Variants in JADE3 observed in about 807,000 individuals in gnomAD.
JADE3 encodes the protein jade family PHD finger 3.
Under a neutral mutation model 50.1 loss-of-function variants are expected in JADE3, and 2 were observed. That is an observed-to-expected ratio of 0.04 (90% CI 0.02 to 0.13). JADE3 has a LOEUF of 0.13. JADE3 is among the 10% of genes least tolerant of loss of function. The pLI is 1.00. For missense variants in JADE3, 475 were observed against 634.4 expected (o/e 0.75, Z 2.70); for synonymous variants, 218 against 232.9 (o/e 0.94, Z 0.58).
At chrX:46,945,860 C>G (rs1926875659) in intron 1 of JADE3, among the ~76,000 whole-genome samples, 1 of 111,614 alleles carries the variant, frequency 9.0e-6, no homozygotes, top group African/African-American at 3.3e-5. Flanking sequence ...GATTCCTGTT[C>G]CCTCAATAAT....
At chrX:47,010,409 G>A (rs1385975503) in intron 4 of JADE3, among the ~76,000 whole-genome samples, 3 of 110,683 alleles carry the variant, frequency 2.7e-5, no homozygotes, top group Non-Finnish European at 5.7e-5. Context: ...TGTAGTTTTA[G>A]TAGAGACAGG....
chrX:47,026,802 T>C (rs1300351377), intron 5 of JADE3, among the ~76,000 whole-genome samples: 1 of 111,829 alleles, frequency 8.9e-6, no homozygotes, highest in African/African-American at 3.2e-5. Context: ...ATTATACTAA[T>C]TTCATAGATA....
At position 47,056,136 on chromosome X, in the gene JADE3, A is replaced by G; in HGVS notation, c.1498A>G (p.Asn500Asp). 3.3e-6 allele frequency: 4 copies of G among 1,209,127 alleles called. No individual in the cohort carries two copies. The highest frequency in any genetic ancestry group is 4.5e-6 in the Non-Finnish European group (4 of 893,262). Residue 500 changes from asparagine to aspartate, a missense_variant, in exon 10 of 11, where the codon AAC (asparagine) becomes GAC (aspartate). This residue lies in a region of JADE3 where 243 missense variants were observed against 238.2 expected (regional missense o/e 1.02). Transcript: ENST00000614628. ...ACGAGAGAAGCTGAAGCTGTCACAC[A>G]ACAAAATACAGGAACAGATCTTCGG... ...SRREKLKLSH[N>D]KIQEQIFGLQ...
chrX:47,014,616 G>A (rs200123557), intron 4 of JADE3, among the ~76,000 whole-genome samples: 8 of 111,703 alleles, frequency 7.2e-5, no homozygotes, highest in Middle Eastern at 4.7e-3. Context: ...CTTAGTGCCT[G>A]TAAAAGTTAG....
intron 1 of JADE3, among the ~76,000 whole-genome samples, chrX:46,954,335 GGTTTT>G (rs1237051751): frequency 1.8e-5 from 2 of 111,241 alleles, no homozygotes; most frequent in Non-Finnish European, 3.8e-5. Flanking sequence ...GCTGTTTTTT[GGTTTT>G]GTTTGGTTTG....
At chrX:47,045,202 C>T (rs781928771) in intron 8 of JADE3, among the ~76,000 whole-genome samples, 5 of 111,510 alleles carry the variant, frequency 4.5e-5, no homozygotes, top group Non-Finnish European at 7.5e-5. Context: ...ACTATACATA[C>T]ACATATAGGC....
chrX:47,003,432 C>T (rs1433232815), intron 4 of JADE3, among the ~76,000 whole-genome samples: 2 of 108,981 alleles, frequency 1.8e-5, no homozygotes, highest in African/African-American at 6.7e-5. Flanking sequence ...TGACACAATT[C>T]AGTCCATAAC....
intron 1 of JADE3, among the ~76,000 whole-genome samples, chrX:46,942,327 T>C (rs1341963543): frequency 1.8e-5 from 2 of 111,959 alleles, no homozygotes; most frequent in African/African-American, 3.2e-5. Flanking sequence ...TTTCTTCTTG[T>C]ATATTTATAG....
chrX:47,016,284 T>C (rs980301043), intron 4 of JADE3, among the ~76,000 whole-genome samples: 1 of 111,820 alleles, frequency 8.9e-6, no homozygotes, highest in Non-Finnish European at 1.9e-5. Context: ...CTGCTGCTCT[T>C]TGATAGTGGC....
At chrX:46,994,033 C>G (rs1928070439) in intron 3 of JADE3, among the ~76,000 whole-genome samples, 2 of 112,028 alleles carry the variant, frequency 1.8e-5, no homozygotes, top group African/African-American at 6.5e-5. Context: ...TTCAATCTCT[C>G]TGCTTTATTC....
intron 4 of JADE3, among the ~76,000 whole-genome samples, chrX:46,999,876 G>A (rs556697761): frequency 9.0e-6 from 1 of 111,456 alleles, no homozygotes; most frequent in South Asian, 3.8e-4. Context: ...TGAATGAATG[G>A]GTAGAATGTA....
intron 1 of JADE3, among the ~76,000 whole-genome samples, chrX:46,977,185 C>T (rs1467501945): frequency 9.0e-6 from 1 of 111,341 alleles, no homozygotes; most frequent in Admixed American, 9.5e-5. Flanking sequence ...CATGGTGAAA[C>T]CCCATCTCTA....
At chrX:46,975,322 C>T (rs782246501) in intron 1 of JADE3, among the ~76,000 whole-genome samples, 1 of 111,819 alleles carries the variant, frequency 8.9e-6, no homozygotes, top group Non-Finnish European at 1.9e-5. Context: ...GTATTTTTTC[C>T]GGTTGTAAAC....
rs782677262 is a variant in JADE3, at chrX:47,033,809, G to A, written c.855+21G>A. Reference sequence around the variant, plus strand: ...CAGAGGTAAGAATTCATCCAGGCCCGTGAGACCATTTGCTCCAGGGTGTCC... The same window carrying A: ...CAGAGGTAAGAATTCATCCAGGCCCATGAGACCATTTGCTCCAGGGTGTCC... On this transcript the variant is annotated intron_variant, in intron 7 of 10. Coordinates refer to ENST00000614628, the MANE Select transcript of JADE3 (RefSeq NM_014735.5). 8 of 1,131,710 alleles carry A rather than the reference G, an allele frequency of 7.1e-6. No homozygotes were observed. In the Admixed American group the frequency reaches 1.1e-4, roughly 16 times the overall value. The allele number at this position is 1,131,710 out of a possible 1,213,427, so 93.3% of individuals were successfully genotyped here. A position where few individuals can be genotyped will look rare whatever the true frequency, so the allele number is the denominator to read the frequency against.
In JADE3 at chrX:47,049,822, C is replaced by T. The variant is rs191096400; in HGVS notation, c.973-4336C>T. Among the ~76,000 whole-genome samples the T allele has an allele frequency of 5.0e-3, 470 of 93,308 alleles. 5 individuals are homozygous for T. The highest frequency in any genetic ancestry group is 0.019 in the African/African-American group (453 of 24,329). The allele number at this position is 93,308 out of a possible 115,157, so 81.0% of individuals were successfully genotyped here. ...TGTCGTCCAGGCTGGAGTGCAATGG[C>T]GCGATCTTGGCTCACTGCAACCTCT... On this transcript the variant is annotated intron_variant, in intron 8 of 10. Transcript: ENST00000614628.
intron 1 of JADE3, among the ~76,000 whole-genome samples, chrX:46,913,481 G>T (rs1926013295): frequency 8.9e-6 from 1 of 111,903 alleles, no homozygotes; most frequent in South Asian, 3.7e-4. Flanking sequence ...TCCCACCGCT[G>T]GGCACGGCAA....
chrX:46,970,161 TG>T (rs1463104784), intron 1 of JADE3, among the ~76,000 whole-genome samples: 1 of 112,609 alleles, frequency 8.9e-6, no homozygotes, highest in Non-Finnish European at 1.9e-5. Flanking sequence ...CCATGTGTAA[TG>T]GGGGTTGAGA....
intron 1 of JADE3, among the ~76,000 whole-genome samples, chrX:46,983,297 A>T (rs1249348238): frequency 1.8e-5 from 2 of 111,197 alleles, no homozygotes; most frequent in African/African-American, 6.5e-5. Flanking sequence ...GGCGCAGTGG[A>T]TGGAGATAAA....
rs782247798 is a variant in JADE3, at chrX:47,007,831, G to A, written c.284+9554G>A. ...TTTGTGTGTGTGTGTGTGTGTGTGT[G>A]TGTGTGTGTGTGTGTGTGTGTGTGT... On this transcript the variant is annotated intron_variant, in intron 4 of 10. Transcript: ENST00000614628. Among the ~76,000 whole-genome samples the A allele has an allele frequency of 5.9e-3, 631 of 107,252 alleles. 5 individuals carry two copies. Among genetic ancestry groups the A allele is most frequent in the Non-Finnish European group, 9.8e-3 (507 of 51,762 alleles). The allele number at this position is 107,252 out of a possible 115,157, so 93.1% of individuals were successfully genotyped here.
Sources: gnomAD v4.1 joint callset for allele counts (sites outside exome capture counted in the v4.1 genomes callset) on GRCh38, gnomAD v4.1.1 for gene constraint, gnomAD v4.1.1 regional missense constraint, MANE v1.5 for transcripts, NCBI Gene and HGNC (gene_info 2026-07-23, HGNC 2026-07-21) for gene names.